Variants in DYNC2I1 observed in about 807,000 individuals in gnomAD.
DYNC2I1 encodes dynein 2 intermediate chain 1, also known as cytoplasmic dynein 2 intermediate chain 1.
A neutral mutation model predicts 133.4 loss-of-function variants in DYNC2I1; 89 were observed. The observed-to-expected ratio is 0.67, with a 90% CI of 0.56 to 0.80. DYNC2I1 has a LOEUF of 0.80. DYNC2I1 is among the 30% of genes least tolerant of loss of function. DYNC2I1 has a pLI of 0.00. For synonymous variants in DYNC2I1, 504 were observed against 484.3 expected (o/e 1.04, Z -0.54); for missense variants, 1,291 against 1,314.5 (o/e 0.98, Z 0.28).
At chr7:158,884,483 G>C (rs1447352229) in intron 5 of DYNC2I1, 81 bp from the exon 6 acceptor site, 2 of 1,355,080 alleles carry the variant, frequency 1.5e-6, no homozygotes, top group African/African-American at 2.9e-5. Flanking sequence ...ATCTGTGCTT[G>C]TTTTGTGGGG....
chr7:158,885,667 C>T (rs778361260), intron 6 of DYNC2I1, among the ~76,000 whole-genome samples: 9 of 152,120 alleles, frequency 5.9e-5, no homozygotes, highest in Non-Finnish European at 1.3e-4. Context: ...AAGCCCTAGA[C>T]TTTAATTTGT....
downstream of DYNC2I1, among the ~76,000 whole-genome samples, chr7:158,948,322 C>G (rs559648915): frequency 1.3e-5 from 2 of 152,364 alleles, no homozygotes; most frequent in South Asian, 4.1e-4. Context: ...TGCACGCAGG[C>G]TGAGCGCTTT....
intron 8 of DYNC2I1, among the ~76,000 whole-genome samples, chr7:158,898,921 C>A (rs1015583636): frequency 1.3e-5 from 2 of 151,444 alleles, no homozygotes; most frequent in Admixed American, 1.3e-4. Flanking sequence ...ACAACCAATA[C>A]AAGTCCACTT....
Position 158,916,971 on chromosome 7 carries a change from C to T in DYNC2I1, c.1792-1769C>T, listed in dbSNP as rs1199388410. On this transcript the variant is annotated intron_variant, in intron 14 of 24. Coordinates refer to ENST00000407559, the MANE Select transcript of DYNC2I1 (RefSeq NM_018051.5). ...GTTGACATTAAGGATGATTGTGAAA[C>T]GTCTACACGCTGGTTGACATTAAGG... Among the ~76,000 whole-genome samples, 9 of 57,380 alleles carry T rather than the reference C, an allele frequency of 1.6e-4. No homozygotes were observed. The South Asian group carries it at 4.5e-3, about 29-fold the overall frequency. The allele number at this position is 57,380 out of a possible 152,430, so 37.6% of individuals were successfully genotyped here.
At chr7:158,949,499 C>T (rs976541573), downstream of DYNC2I1, among the ~76,000 whole-genome samples, 34 of 152,054 alleles carry the variant, frequency 2.2e-4, no homozygotes, top group African/African-American at 7.0e-4. Flanking sequence ...GGGTCCACCC[C>T]GCCCTGCTTG....
At chr7:158,898,011 G>A (rs545264361) in intron 8 of DYNC2I1, among the ~76,000 whole-genome samples, 237 of 152,244 alleles carry the variant, frequency 1.6e-3, no homozygotes, top group African/African-American at 5.4e-3. Context: ...GTGTTATTTA[G>A]AAATATGTTG....
intron 1 of DYNC2I1, among the ~76,000 whole-genome samples, chr7:158,861,589 C>T (rs998608609): frequency 2.0e-5 from 3 of 152,208 alleles, no homozygotes; most frequent in Non-Finnish European, 4.4e-5. Flanking sequence ...ATAGACTCAG[C>T]GCAGCAGCAT....
At chr7:158,915,280 G>T (rs1418867090) in intron 14 of DYNC2I1, among the ~76,000 whole-genome samples, 4 of 152,082 alleles carry the variant, frequency 2.6e-5, no homozygotes, top group African/African-American at 9.7e-5. Context: ...TCGACACGGT[G>T]GTTGAGATTA....
At chr7:158,869,086 G>T (rs748446736) in intron 1 of DYNC2I1, among the ~76,000 whole-genome samples, 3 of 152,184 alleles carry the variant, frequency 2.0e-5, no homozygotes, top group Non-Finnish European at 4.4e-5. Context: ...GCCTCGGCTG[G>T]GGAGACTTGA....
chr7:158,901,598 A>G (rs1365704787), intron 8 of DYNC2I1, 141 bp from the exon 9 acceptor site: 7 of 611,862 alleles, frequency 1.1e-5, no homozygotes, highest in Non-Finnish European at 2.0e-5. Context: ...ATTTAACATT[A>G]TATTAGTTTT....
the DYNC2I1 span, among the ~76,000 whole-genome samples, chr7:158,847,921 G>T: frequency 1.3e-5 from 2 of 152,232 alleles, no homozygotes; most frequent in African/African-American, 4.8e-5. Flanking sequence ...TTAGATTGGT[G>T]TCATCAGCTT....
chr7:158,947,070 G>T (rs2129490037), downstream of DYNC2I1, among the ~76,000 whole-genome samples: 1 of 152,326 alleles, frequency 6.6e-6, no homozygotes, highest in Middle Eastern at 3.4e-3. Context: ...TGAATTCCAG[G>T]TGCCTGCTAC....
intron 14 of DYNC2I1, among the ~76,000 whole-genome samples, chr7:158,916,908 G>A (rs1848401201): frequency 2.3e-5 from 2 of 85,132 alleles, no homozygotes; most frequent in African/African-American, 8.1e-5. Flanking sequence ...CGACACGGTG[G>A]TTGAGATTAA....
At chr7:158,897,989 T>A (rs887163785) in intron 8 of DYNC2I1, among the ~76,000 whole-genome samples, 2 of 152,244 alleles carry the variant, frequency 1.3e-5, no homozygotes, top group African/African-American at 4.8e-5. Flanking sequence ...TGAGATTTGT[T>A]TTTTAGCCTC....
At chr7:158,860,410 G>A (rs1841769695) in intron 1 of DYNC2I1, among the ~76,000 whole-genome samples, 1 of 152,092 alleles carries the variant, frequency 6.6e-6, no homozygotes, top group Non-Finnish European at 1.5e-5. Context: ...TTGTTTCATT[G>A]TACTTAGTTG....
At chr7:158,920,921 G>A (rs915906020) in intron 15 of DYNC2I1, among the ~76,000 whole-genome samples, 2 of 151,994 alleles carry the variant, frequency 1.3e-5, no homozygotes, top group Non-Finnish European at 2.9e-5. Flanking sequence ...CCAGCGGGTC[G>A]TCCTCATCTC....
At chr7:158,878,767 G>GCC (rs1843669586) in intron 4 of DYNC2I1, among the ~76,000 whole-genome samples, 1 of 139,950 alleles carries the variant, frequency 7.1e-6, no homozygotes, top group Admixed American at 7.1e-5. Context: ...GGCGAGGAGG[G>GCC]GAGGCCAGGA....
intron 19 of DYNC2I1, 66 bp downstream of exon 19, chr7:158,926,529 C>A (rs1465889437): frequency 6.5e-7 from 1 of 1,548,086 alleles, no homozygotes; most frequent in African/African-American, 1.4e-5. Flanking sequence ...GAGGTGGCGC[C>A]TGAATGGCGC....
intron 8 of DYNC2I1, among the ~76,000 whole-genome samples, chr7:158,898,529 C>T (rs780283925): frequency 3.9e-5 from 6 of 152,110 alleles, no homozygotes; most frequent in Non-Finnish European, 8.8e-5. Flanking sequence ...AAGTGTGCTG[C>T]GTCAGAAATT....
Sources: allele counts gnomAD v4.1 joint callset (sites outside exome capture counted in the v4.1 genomes callset), GRCh38; gene constraint gnomAD v4.1.1; transcripts MANE v1.5; gene names NCBI Gene and HGNC (gene_info 2026-07-23, HGNC 2026-07-21).